Variants in ZFHX3 observed in about 807,000 individuals in gnomAD.
ZFHX3 encodes zinc finger homeobox protein 3.
A neutral mutation model predicts 279.1 loss-of-function variants in ZFHX3; 42 were observed. The ratio of observed to expected loss-of-function variants is 0.15; its 90% confidence interval spans 0.12 to 0.19. The LOEUF (loss-of-function observed/expected upper bound fraction) is 0.19. Ranked by LOEUF, ZFHX3 falls within the 10% of genes least tolerant of loss-of-function variation. ZFHX3 has a pLI of 1.00. For missense variants in ZFHX3, 4,981 were observed against 4,754.0 expected (o/e 1.05, Z -1.40); for synonymous variants, 2,293 against 1,957.8 (o/e 1.17, Z -4.52).
At chr16:73,271,698 G>A (rs1308714417) in intron 4 of ZFHX3, among the ~76,000 whole-genome samples, 1 of 152,208 alleles carries the variant, frequency 6.6e-6, no homozygotes, top group Non-Finnish European at 1.5e-5. Context: ...CCAGGAGCAT[G>A]GCAGGTGCCT....
At chr16:73,226,617 G>T (rs918584494) in intron 5 of ZFHX3, among the ~76,000 whole-genome samples, 2 of 152,196 alleles carry the variant, frequency 1.3e-5, no homozygotes, top group African/African-American at 2.4e-5. Context: ...TTTGCTGATT[G>T]CACAGAGAAT....
At chr16:73,496,917 C>T (rs568320042) in intron 2 of ZFHX3, among the ~76,000 whole-genome samples, 4 of 152,176 alleles carry the variant, frequency 2.6e-5, no homozygotes, top group African/African-American at 9.7e-5. Flanking sequence ...CTTTGTCAGA[C>T]AGCCTTCTTG....
intron 3 of ZFHX3, among the ~76,000 whole-genome samples, chr16:73,451,875 G>A (rs1212981547): frequency 3.9e-5 from 6 of 152,106 alleles, no homozygotes; most frequent in Admixed American, 1.3e-4. Flanking sequence ...ACACAACACC[G>A]TCATTTTGAG....
chr16:73,618,934 G>C (rs2052331023), intron 2 of ZFHX3, among the ~76,000 whole-genome samples: 1 of 152,174 alleles, frequency 6.6e-6, no homozygotes, highest in Non-Finnish European at 1.5e-5. Context: ...ACCATGACTT[G>C]TCACAGCTGA....
chr16:73,775,341 A>G (rs1959221735), intron 1 of ZFHX3, among the ~76,000 whole-genome samples: 1 of 152,174 alleles, frequency 6.6e-6, no homozygotes, highest in South Asian at 2.1e-4. Context: ...CAATATAGTT[A>G]TATAAGCGCA....
At chr16:73,550,539 G>A (rs1041024401) in intron 2 of ZFHX3, among the ~76,000 whole-genome samples, 1 of 152,094 alleles carries the variant, frequency 6.6e-6, no homozygotes, top group Admixed American at 6.5e-5. Context: ...ATGTTCCAGC[G>A]TCAAAGGGAG....
intron 3 of ZFHX3, among the ~76,000 whole-genome samples, chr16:72,935,248 T>C (rs1202925811): frequency 6.6e-6 from 1 of 152,114 alleles, no homozygotes; most frequent in Non-Finnish European, 1.5e-5. Flanking sequence ...TCAGAGCTTC[T>C]CTCACTGGGA....
At chr16:73,519,131 C>T (rs2019571898) in intron 2 of ZFHX3, among the ~76,000 whole-genome samples, 1 of 152,068 alleles carries the variant, frequency 6.6e-6, no homozygotes, top group Non-Finnish European at 1.5e-5. Flanking sequence ...GAAAATGACC[C>T]ATTCTTCTTG....
intron 3 of ZFHX3, among the ~76,000 whole-genome samples, chr16:73,378,840 C>A (rs562942819): frequency 6.6e-6 from 1 of 152,332 alleles, no homozygotes; most frequent in East Asian, 1.9e-4. Flanking sequence ...CCCCTTAAAT[C>A]TTTCCCTGGG....
chr16:72,958,425 C>T lies in ZFHX3; in HGVS notation c.1721G>A (p.Ser574Asn). The change falls in exon 2 of 10, where the codon AGT (serine) becomes AAT (asparagine). Residue 574 changes from serine to asparagine, a missense_variant. Physicochemically the swap from Ser to Asn is conservative, Grantham distance 46. Transcript: ENST00000268489. ...ANRRNRLSFNSEGVRANVAEG... is the reference protein window; with the variant it reads ...ANRRNRLSFNNEGVRANVAEG... ...TGCCACATTGGCCCTGACGCCCTCA[C>T]TGTTAAAGCTTAAACGATTCCTCCT... The T allele has an allele frequency of 6.2e-7, 1 of 1,614,238 alleles. No homozygotes were observed. The highest frequency in any genetic ancestry group is 8.5e-7 in the Non-Finnish European group (1 of 1,180,044).
At chr16:73,220,254 T>C (rs978477124) in intron 5 of ZFHX3, among the ~76,000 whole-genome samples, 1 of 152,180 alleles carries the variant, frequency 6.6e-6, no homozygotes, top group African/African-American at 2.4e-5. Flanking sequence ...CTATGCTTAC[T>C]ACCTGGGTGA....
intron 1 of ZFHX3, among the ~76,000 whole-genome samples, chr16:73,763,245 G>A (rs560202760): frequency 6.6e-6 from 1 of 152,160 alleles, no homozygotes; most frequent in Non-Finnish European, 1.5e-5. Context: ...AGGCCTTGGA[G>A]AAGGCTGACA....
In ZFHX3 at chr16:72,795,769, CCT is replaced by C. The variant is rs769308016; in HGVS notation, c.6911_6912del (p.Gln2304ArgfsTer10). ...CGCCGCTCTCCATCTTTGCCCTCTC[CCT>C]GATTCTCATAATTCTTCCTGGCCTT... ...RQKARKNYEN[Q>X]GEGKDGERRE... On this transcript the variant is annotated frameshift_variant, in exon 9 of 10. Transcript: ENST00000268489. LOFTEE classifies it high-confidence loss of function. The C allele has an allele frequency of 6.2e-7, 1 of 1,614,196 alleles. No individual in the cohort carries two copies. The highest frequency in any genetic ancestry group is 1.1e-5 in the South Asian group (1 of 91,076).
chr16:72,991,160 G>A (rs1295066645), intron 1 of ZFHX3, among the ~76,000 whole-genome samples: 1 of 148,958 alleles, frequency 6.7e-6, no homozygotes, highest in East Asian at 1.9e-4. Flanking sequence ...TATTCTGAGA[G>A]AGAGGAGAGA....
chr16:73,623,716 T>C (rs1206525974), intron 2 of ZFHX3, among the ~76,000 whole-genome samples: 1 of 152,176 alleles, frequency 6.6e-6, no homozygotes, highest in Non-Finnish European at 1.5e-5. Flanking sequence ...TGAAAATTAT[T>C]CTTCCAAAAT....
chr16:73,782,797 C>T (rs545824005), intron 1 of ZFHX3, among the ~76,000 whole-genome samples: 19 of 152,134 alleles, frequency 1.2e-4, no homozygotes, highest in Admixed American at 5.9e-4. Context: ...AGACTGGGTC[C>T]CTGAATCACT....
chr16:73,780,533 C>A (rs1033938436), intron 1 of ZFHX3, among the ~76,000 whole-genome samples: 2 of 151,874 alleles, frequency 1.3e-5, no homozygotes, highest in Non-Finnish European at 1.5e-5. Flanking sequence ...ACCTCTGACG[C>A]CTGGGTTCAA....
intron 2 of ZFHX3, among the ~76,000 whole-genome samples, chr16:73,645,367 C>T (rs2052609121): frequency 6.6e-6 from 1 of 152,180 alleles, no homozygotes; most frequent in Non-Finnish European, 1.5e-5. Flanking sequence ...TGCCATTCTC[C>T]TGCCTCAGCC....
intron 2 of ZFHX3, among the ~76,000 whole-genome samples, chr16:73,516,367 C>T (rs543169084): frequency 4.6e-5 from 7 of 152,124 alleles, no homozygotes; most frequent in South Asian, 2.1e-4. Context: ...GTATGTTAAC[C>T]GCACATAAGA....
Sources: allele counts gnomAD v4.1 joint callset (sites outside exome capture counted in the v4.1 genomes callset), GRCh38; gene constraint gnomAD v4.1.1; transcripts MANE v1.5; gene names NCBI Gene and HGNC (gene_info 2026-07-23, HGNC 2026-07-21).